TANC2: variants seen among roughly 807,000 people sequenced by gnomAD.
TANC2 encodes tetratricopeptide repeat, ankyrin repeat and coiled-coil containing 2, also known as protein TANC2.
TANC2 carries 26 observed loss-of-function variants against 210.5 expected under a neutral mutation model. That is an observed-to-expected ratio of 0.12 (90% confidence interval 0.09 to 0.17). TANC2 has a LOEUF of 0.17. TANC2 is among the 10% of genes least tolerant of loss of function. The pLI is 1.00. For missense variants in TANC2, 2,129 were observed against 2,608.9 expected, an observed-to-expected ratio of 0.82 and a Z score of 4.01; for synonymous variants, 931 against 967.1, an observed-to-expected ratio of 0.96 and a Z score of 0.69.
chr17:63,265,376 A>T (rs565043568), intron 8 of TANC2, among the ~76,000 whole-genome samples: 1 of 152,312 alleles, frequency 6.6e-6, no homozygotes, highest in South Asian at 2.1e-4. Context: ...CAGTCTTCTT[A>T]ATCAACTGAC....
chr17:63,358,376 A>AGAGAGAGTGTGTGTGTGTGTGTGTGT (rs1470682571), intron 14 of TANC2, among the ~76,000 whole-genome samples: 48 of 81,044 alleles, frequency 5.9e-4, no homozygotes, highest in African/African-American at 1.7e-3. Context: ...AGAGAGAGAG[A>AGAGAGAGTGTGTGTGTGTGTGTGTGT]GTATGTGTGT....
Position 62,977,529 on chromosome 17 carries a change from T to C in TANC2, c.-24+10780T>C, listed in dbSNP as rs768904085. Among the ~76,000 whole-genome samples the C allele has an allele frequency of 4.6e-5, 7 of 152,322 alleles. No individual in the cohort carries two copies. The South Asian group carries it at 1.0e-3, about 23-fold the overall frequency. ...TTAGATAATTTAATTGTTTTTGTCTTTGGATATGTTAAATGTAGGCATTTA... is the reference window on the plus strand; with the variant it reads ...TTAGATAATTTAATTGTTTTTGTCTCTGGATATGTTAAATGTAGGCATTTA... On this transcript the variant is annotated intron_variant, in intron 1 of 27. Coordinates refer to ENST00000689528, the Ensembl canonical transcript of TANC2.
chr17:63,408,370 T>C (rs2048584725), intron 21 of TANC2, among the ~76,000 whole-genome samples: 3 of 152,162 alleles, frequency 2.0e-5, no homozygotes, highest in Non-Finnish European at 4.4e-5. Context: ...ACAAATTGGA[T>C]TTTGGAAGTA....
chr17:63,099,200 T>G (rs957239518), exon 4 of TANC2: 3 of 1,608,470 alleles, frequency 1.9e-6, no homozygotes, highest in Non-Finnish European at 2.5e-6. Flanking sequence ...AAAGCGACTG[T>G]GCTTTTGAGC....
At chr17:63,196,811 A>G (rs2041360626) in intron 6 of TANC2, among the ~76,000 whole-genome samples, 2 of 152,138 alleles carry the variant, frequency 1.3e-5, no homozygotes, top group Non-Finnish European at 2.9e-5. Flanking sequence ...TAATTGTTTT[A>G]CTTGCACTGT....
At chr17:63,382,434 A>T (rs1354278598) in intron 15 of TANC2, among the ~76,000 whole-genome samples, 1 of 152,226 alleles carries the variant, frequency 6.6e-6, no homozygotes, top group East Asian at 1.9e-4. Flanking sequence ...CCTCACCAGC[A>T]AATCAATCTA....
intron 15 of TANC2, among the ~76,000 whole-genome samples, chr17:63,383,267 G>A (rs1197140211): frequency 1.3e-5 from 2 of 152,084 alleles, no homozygotes; most frequent in Admixed American, 6.6e-5. Context: ...CAGCTCTGTC[G>A]ATTTTGCCAA....
chr17:62,984,956 T>C (rs537690635), intron 1 of TANC2, among the ~76,000 whole-genome samples: 4 of 152,340 alleles, frequency 2.6e-5, no homozygotes, highest in African/African-American at 9.6e-5. Context: ...CTTAAGTGTC[T>C]GTTAAATCCA....
chr17:63,041,230 G>T (rs185819235), intron 2 of TANC2, among the ~76,000 whole-genome samples: 39 of 152,164 alleles, frequency 2.6e-4, no homozygotes, highest in South Asian at 8.3e-4. Context: ...ATATTTCTTT[G>T]ATTTTATCGA....
rs764994035 is a variant in TANC2, at chr17:63,415,690, C to T, written c.4167+16C>T. 6.2e-7 allele frequency: 1 copy of T among 1,609,862 alleles called. No individual in the cohort carries two copies. The highest frequency in any genetic ancestry group is 2.2e-5 in the East Asian group (1 of 44,858). On this transcript the variant is annotated intron_variant, in intron 26 of 27. Coordinates refer to ENST00000689528, the Ensembl canonical transcript of TANC2. ...GAAAATGAACGTAAGTCCCTGTCAC[C>T]CCAACTCCTTTCTGCAATCCTGGTA...
intron 9 of TANC2, among the ~76,000 whole-genome samples, chr17:63,311,531 A>G (rs17760103): frequency 1.2e-3 from 178 of 152,336 alleles, no homozygotes; most frequent in Middle Eastern, 3.4e-3. Context: ...TAGTGAAAAT[A>G]TATTGAATAA....
intron 1 of TANC2, among the ~76,000 whole-genome samples, chr17:62,968,040 T>C (rs957927205): frequency 6.6e-6 from 1 of 152,228 alleles, no homozygotes; most frequent in Non-Finnish European, 1.5e-5. Flanking sequence ...TGTGCATGTA[T>C]ATTATACATA....
chr17:63,148,589 C>T (rs2039542230), intron 4 of TANC2: 2 of 152,184 alleles, frequency 1.3e-5, no homozygotes, highest in African/African-American at 4.8e-5. Flanking sequence ...TTCCCAGTGT[C>T]AGTTCCAATC....
intron 2 of TANC2, among the ~76,000 whole-genome samples, chr17:63,063,615 TTGTG>T (rs142351130): frequency 1.4e-5 from 2 of 144,150 alleles, no homozygotes; most frequent in Non-Finnish European, 3.0e-5. Flanking sequence ...TTACCCAGTA[TTGTG>T]TGTGTGTGTG....
intron 1 of TANC2, among the ~76,000 whole-genome samples, chr17:62,970,617 G>T (rs2031638246): frequency 6.6e-6 from 1 of 152,152 alleles, no homozygotes; most frequent in South Asian, 2.1e-4. Flanking sequence ...GACTATTAGG[G>T]TAGTTGGTAC....
At chr17:63,073,071 C>T (rs559593258) in intron 2 of TANC2, among the ~76,000 whole-genome samples, 2 of 152,026 alleles carry the variant, frequency 1.3e-5, no homozygotes, top group East Asian at 1.9e-4. Context: ...TATGAAAGAA[C>T]GAACAAAGGA....
chr17:62,993,332 T>G (rs2032959422), intron 1 of TANC2, among the ~76,000 whole-genome samples: 1 of 152,214 alleles, frequency 6.6e-6, no homozygotes, highest in Admixed American at 6.5e-5. Context: ...CCACATTAGT[T>G]TTTAGATCAC....
At chr17:63,009,094 AT>A (rs2033752907) in intron 1 of TANC2, among the ~76,000 whole-genome samples, 1 of 152,108 alleles carries the variant, frequency 6.6e-6, no homozygotes, top group Non-Finnish European at 1.5e-5. Flanking sequence ...ATATTTAAAC[AT>A]AGTTAATTAT....
At chr17:63,121,198 G>A (rs1450046260) in intron 4 of TANC2, among the ~76,000 whole-genome samples, 1 of 152,010 alleles carries the variant, frequency 6.6e-6, no homozygotes, top group Non-Finnish European at 1.5e-5. Context: ...TAATATTTCG[G>A]TGATAAATGT....
Sources: gnomAD v4.1 joint callset for allele counts (sites outside exome capture counted in the v4.1 genomes callset) on GRCh38, gnomAD v4.1.1 for gene constraint, MANE v1.5 for transcripts, NCBI Gene and HGNC (gene_info 2026-07-23, HGNC 2026-07-21) for gene names.